Variants in TG observed in about 807,000 individuals in gnomAD.
TG encodes thyroid hormones.
In TG, 270 loss-of-function variants were observed where a neutral mutation model predicts 324.7. The ratio of observed to expected loss-of-function variants is 0.83; its 90% CI spans 0.75 to 0.92. TG has a LOEUF of 0.92. Among genes scored for constraint, TG ranks in the 40% least tolerant of loss-of-function variants. TG has a pLI of 0.00. For synonymous variants in TG, 1,401 were observed against 1,327.0 expected, an observed-to-expected ratio of 1.06 and a Z score of -1.21; for missense variants, 3,591 against 3,456.4, an observed-to-expected ratio of 1.04 and a Z score of -0.98.
chr8:132,913,283 C>G lies in TG; in HGVS notation c.4378+18C>G, dbSNP rs767604652. On this transcript the variant is annotated intron_variant, in intron 20 of 47. Transcript: ENST00000220616. ...GGGATGCGGTAGGTCCACTCTCTCC[C>G]TGGATATCTCCTGTGGAGCCATGTG... The G allele has an allele frequency of 6.2e-7, 1 of 1,611,938 alleles. No homozygotes were observed. The highest frequency in any genetic ancestry group is 1.1e-5 in the South Asian group (1 of 90,978).
rs560573205 is a variant in TG, at chr8:133,017,484, C to T, written c.6563-294C>T. Among the ~76,000 whole-genome samples, 80 of 152,240 alleles carry T rather than the reference C, an allele frequency of 5.3e-4. 1 individual carries two copies. The highest frequency in any genetic ancestry group is 1.7e-3 in the African/African-American group (71 of 41,544). On this transcript the variant is annotated intron_variant, in intron 37 of 47. Coordinates refer to ENST00000220616, the MANE Select transcript of TG (RefSeq NM_003235.5). ...GCTTCTCTGTTCTTTCAAAAGGCCC[C>T]AGGGTGCTGGTAAAGGGTCCTGGGC...
chr8:132,953,945 A>G (rs1210374034), intron 27 of TG, among the ~76,000 whole-genome samples: 3 of 152,104 alleles, frequency 2.0e-5, no homozygotes, highest in African/African-American at 4.8e-5. Flanking sequence ...AAATGAATGG[A>G]AAAAAGGCAG....
intron 35 of TG, among the ~76,000 whole-genome samples, chr8:132,984,048 G>A (rs893442513): frequency 6.6e-6 from 1 of 152,228 alleles, no homozygotes; most frequent in Non-Finnish European, 1.5e-5. Flanking sequence ...GGGGTGAGGT[G>A]GAGGGGTCAG....
At chr8:132,909,731 G>T (rs1181808237) in intron 18 of TG, among the ~76,000 whole-genome samples, 2 of 152,288 alleles carry the variant, frequency 1.3e-5, no homozygotes, top group South Asian at 4.1e-4. Context: ...TCTGTGAAAT[G>T]GGTTTAGGAG....
rs1823128926 is a variant in TG at position 132,933,633 on chromosome 8, A to G, written c.4889A>G (p.Tyr1630Cys). 3.7e-6 allele frequency: 6 copies of G among 1,614,008 alleles called. No homozygotes were observed. Among genetic ancestry groups the G allele is most frequent in the African/African-American group, 2.7e-5 (2 of 74,886 alleles). Residue 1630 changes from tyrosine (Y) to cysteine (C), a missense_variant, in exon 24 of 48, where the codon TAT (tyrosine) becomes TGT (cysteine). Transcript: ENST00000220616. ...GAGCCAGAGATTTCCTGTGATTTCT[A>G]TGCTTGGACAAGTGACAATGTTGCC... ...TTEPEISCDF[Y>C]AWTSDNVACM...
chr8:133,050,219 C>A, intron 41 of TG: 1 of 540,134 alleles, frequency 1.9e-6, no homozygotes, highest in Non-Finnish European at 3.3e-6. Context: ...CTCCCATGTG[C>A]TAGAAATAGC....
At chr8:133,066,236 G>T (rs1843014761) in intron 41 of TG, among the ~76,000 whole-genome samples, 1 of 147,876 alleles carries the variant, frequency 6.8e-6, no homozygotes, top group Non-Finnish European at 1.5e-5. Context: ...TGAGGCAAGA[G>T]AACGGCGTGA....
At chr8:132,912,951 A>T in intron 19 of TG, 96 bp from the exon 20 acceptor site, 1 of 1,151,776 alleles carries the variant, frequency 8.7e-7, no homozygotes, top group Non-Finnish European at 1.3e-6. Flanking sequence ...GTCTCATTCC[A>T]GTCTGGATAT....
At chr8:132,884,164 C>A (rs973537996) in intron 8 of TG, among the ~76,000 whole-genome samples, 4 of 152,160 alleles carry the variant, frequency 2.6e-5, no homozygotes, top group Non-Finnish European at 5.9e-5. Flanking sequence ...TTAACTAATC[C>A]CATCTACAAT....
chr8:133,086,141 C>A (rs1846524526), intron 41 of TG, among the ~76,000 whole-genome samples: 1 of 152,116 alleles, frequency 6.6e-6, no homozygotes, highest in African/African-American at 2.4e-5. Flanking sequence ...TATGAAATGT[C>A]CAGAATAGGT....
chr8:133,054,424 G>C (rs1296203999), intron 41 of TG, among the ~76,000 whole-genome samples: 1 of 152,172 alleles, frequency 6.6e-6, no homozygotes, highest in Non-Finnish European at 1.5e-5. Flanking sequence ...ATGCGATTTG[G>C]GGGGAGATTT....
At chr8:132,939,984 TG>T (rs1824206890) in intron 25 of TG, among the ~76,000 whole-genome samples, 1 of 152,036 alleles carries the variant, frequency 6.6e-6, no homozygotes, top group African/African-American at 2.4e-5. Flanking sequence ...CCCCAGTATA[TG>T]TTTTTTTTAC....
At position 132,942,103 on chromosome 8, in the gene TG, T is replaced by C. The variant is rs142796537; in HGVS notation, c.5233+561T>C. Among the ~76,000 whole-genome samples the C allele has an allele frequency of 9.4e-4, 143 of 152,346 alleles. 1 individual carries two copies. The highest frequency in any genetic ancestry group is 3.0e-3 in the African/African-American group (123 of 41,580). On this transcript the variant is annotated intron_variant, in intron 26 of 47. Coordinates refer to ENST00000220616, the MANE Select transcript of TG (RefSeq NM_003235.5). Reference sequence around the variant, plus strand: ...GGAGGTGCCCTTCTGTTTATGGAAATAAATTCATGTACTCAGCAGTGTAGC... The same window carrying C: ...GGAGGTGCCCTTCTGTTTATGGAAACAAATTCATGTACTCAGCAGTGTAGC...
At chr8:133,012,126 A>T in intron 36 of TG, 91 bp downstream of exon 36, 1 of 1,563,318 alleles carries the variant, frequency 6.4e-7, no homozygotes, top group Non-Finnish European at 8.8e-7. Context: ...CACATGAGAC[A>T]CTACGATAAC....
chr8:132,924,580 T>C (rs772660470), intron 22 of TG, among the ~76,000 whole-genome samples: 3 of 152,196 alleles, frequency 2.0e-5, no homozygotes, highest in East Asian at 1.9e-4. Flanking sequence ...CTCAGTGAGA[T>C]ACTGGATGGG....
intron 31 of TG, among the ~76,000 whole-genome samples, chr8:132,968,789 C>T (rs1829023183): frequency 1.3e-5 from 2 of 152,198 alleles, no homozygotes; most frequent in South Asian, 4.1e-4. Flanking sequence ...GGCCTTGGGG[C>T]ACGAACCTGG....
intron 27 of TG, among the ~76,000 whole-genome samples, chr8:132,956,026 A>C (rs766528733): frequency 2.0e-5 from 3 of 152,224 alleles, no homozygotes; most frequent in Non-Finnish European, 4.4e-5. Context: ...TTGGGGAAGA[A>C]ATGAAAGTAT....
chr8:133,002,091 G>A (rs184033447), intron 35 of TG: 19 of 985,416 alleles, frequency 1.9e-5, no homozygotes, highest in Admixed American at 6.1e-5. Flanking sequence ...TTATTTGAAC[G>A]TTGGAGAGAG....
At chr8:133,009,173 T>C (rs890808941) in intron 35 of TG, among the ~76,000 whole-genome samples, 1 of 152,230 alleles carries the variant, frequency 6.6e-6, no homozygotes, top group Non-Finnish European at 1.5e-5. Context: ...AAGGCTTCCA[T>C]TTTAAGACCA....
Sources: allele counts gnomAD v4.1 joint callset (sites outside exome capture counted in the v4.1 genomes callset), GRCh38; gene constraint gnomAD v4.1.1; transcripts MANE v1.5; gene names NCBI Gene and HGNC (gene_info 2026-07-23, HGNC 2026-07-21).